SIK2: variants seen among roughly 807,000 people sequenced by gnomAD.
SIK2 encodes the protein salt inducible kinase 2.
A neutral mutation model predicts 103.2 loss-of-function variants in SIK2; 29 were observed. The observed-to-expected ratio is 0.28, with a 90% confidence interval of 0.21 to 0.38. The LOEUF (loss-of-function observed/expected upper bound fraction) is 0.38. SIK2 is among the 10% of genes least tolerant of loss of function. The pLI is 1.00. For missense variants in SIK2, 879 were observed against 1,171.0 expected (o/e 0.75, Z 3.64); for synonymous variants, 412 against 446.1 (o/e 0.92, Z 0.96).
intron 3 of SIK2, chr11:111,671,489 A>G: frequency 3.6e-6 from 1 of 278,138 alleles, no homozygotes; most frequent in Non-Finnish European, 7.0e-6. Flanking sequence ...GTGCAATGCA[A>G]GTCATCTCAG....
intron 4 of SIK2, among the ~76,000 whole-genome samples, chr11:111,690,608 C>CGAG (rs1246735872): frequency 6.6e-6 from 1 of 151,460 alleles, no homozygotes; most frequent in Non-Finnish European, 1.5e-5. Context: ...TCTCCCTCCC[C>CGAG]GCCTCCCCTC....
chr11:111,716,230 CT>C (rs1943638361), intron 9 of SIK2, among the ~76,000 whole-genome samples: 1 of 152,162 alleles, frequency 6.6e-6, no homozygotes, highest in Non-Finnish European at 1.5e-5. Flanking sequence ...TGTTTCGTGT[CT>C]ACTTACATTT....
At chr11:111,706,122 G>A (rs1198552597) in intron 8 of SIK2, among the ~76,000 whole-genome samples, 1 of 152,176 alleles carries the variant, frequency 6.6e-6, no homozygotes, top group Non-Finnish European at 1.5e-5. Context: ...TTTCCCAAGT[G>A]TGTAATGGGG....
At chr11:111,627,734 A>G (rs972564695) in intron 3 of SIK2, among the ~76,000 whole-genome samples, 2 of 152,222 alleles carry the variant, frequency 1.3e-5, no homozygotes, top group Non-Finnish European at 2.9e-5. Context: ...ATTTAACTTT[A>G]CAAGTATTCC....
chr11:111,697,887 A>G (rs1188745869), intron 4 of SIK2, among the ~76,000 whole-genome samples: 3 of 152,080 alleles, frequency 2.0e-5, no homozygotes, highest in South Asian at 2.1e-4. Flanking sequence ...GCGTGAGTCT[A>G]TGGTCCCAGC....
intron 3 of SIK2, among the ~76,000 whole-genome samples, chr11:111,656,009 C>G (rs191998876): frequency 3.8e-4 from 48 of 125,230 alleles, no homozygotes; most frequent in African/African-American, 1.5e-3. Context: ...ACAACCCTGT[C>G]TATACTAAAA....
At chr11:111,715,406 TTGA>T (rs1210786463) in intron 9 of SIK2, among the ~76,000 whole-genome samples, 1 of 152,234 alleles carries the variant, frequency 6.6e-6, no homozygotes, top group Non-Finnish European at 1.5e-5. Context: ...TGTTTTCTGA[TTGA>T]TGCTTCATTG....
At position 111,705,078 on chromosome 11, in the gene SIK2, A is replaced by G; in HGVS notation, c.1040A>G (p.Glu347Gly). 6.2e-7 allele frequency: 1 copy of G among 1,607,188 alleles called. No homozygotes were observed. Among genetic ancestry groups the G allele is most frequent in the Non-Finnish European group, 8.5e-7 (1 of 1,178,034 alleles). The change falls in exon 8 of 15, where the codon GAG (glutamate) becomes GGG (glycine). Residue 347 changes from glutamate to glycine, a missense_variant. Physicochemically the swap from Glu to Gly is moderately conservative, Grantham distance 98. This residue lies in a region of SIK2 where 99 missense variants were observed against 153.9 expected (regional missense o/e 0.64). Transcript: ENST00000304987. This position sits in a 1 kb window ranked among gnomAD's most constrained non-coding sequence, Gnocchi z 4.3. Reference protein sequence around the residue: ...LKSHRSSFPVEQRLDGRQRRP... With the variant: ...LKSHRSSFPVGQRLDGRQRRP... ...TCACATCGGAGCAGTTTCCCAGTGG[A>G]GCAGAGACTTGATGGCCGCCAGCGT... is the stretch of plus-strand genomic sequence containing the variant.
At chr11:111,712,652 A>G (rs1943533227) in intron 9 of SIK2, among the ~76,000 whole-genome samples, 1 of 152,072 alleles carries the variant, frequency 6.6e-6, no homozygotes, top group Non-Finnish European at 1.5e-5. Context: ...TTCTCTCTTC[A>G]AGTTTCCAGA....
chr11:111,652,672 G>C (rs1315300984), intron 3 of SIK2, among the ~76,000 whole-genome samples: 1 of 152,048 alleles, frequency 6.6e-6, no homozygotes, highest in Non-Finnish European at 1.5e-5. Context: ...ACAATAACTT[G>C]ACTAAAACTT....
chr11:111,616,107 A>T (rs1941802122), intron 1 of SIK2, 136 bp from the exon 2 acceptor site: 2 of 604,850 alleles, frequency 3.3e-6, no homozygotes, highest in African/African-American at 1.9e-5. Context: ...TGAATGAATG[A>T]ACATTGAATT....
Position 111,652,871 on chromosome 11 carries a change from C to T in SIK2, c.316+32469C>T, listed in dbSNP as rs572677186. Among the ~76,000 whole-genome samples, 3 of 152,262 alleles carry T rather than the reference C, an allele frequency of 2.0e-5. No individual in the cohort carries two copies. The South Asian group carries it at 6.2e-4, about 32-fold the overall frequency. On this transcript the variant is annotated intron_variant, in intron 3 of 14. Transcript: ENST00000304987. ...TTAGAAGAAGTAGTCTTGATTAAAT[C>T]AGAGGCAGGTGAGTCTTGGTTTTAA...
chr11:111,658,095 TTTATTTA>T (rs1942417692), intron 3 of SIK2, among the ~76,000 whole-genome samples: 159 of 5,016 alleles, frequency 0.032, no homozygotes, highest in African/African-American at 0.11. Flanking sequence ...TTTTATTTTA[TTTATTTA>T]TTTATTTATT....
intron 1 of SIK2, among the ~76,000 whole-genome samples, chr11:111,603,201 C>T (rs1181618418): frequency 6.6e-6 from 1 of 152,182 alleles, no homozygotes. Flanking sequence ...CCCGGCGCCC[C>T]TCCCCTGCCC....
chr11:111,706,599 A>G (rs144332413), intron 8 of SIK2, among the ~76,000 whole-genome samples: 142 of 152,362 alleles, frequency 9.3e-4, no homozygotes, highest in African/African-American at 3.2e-3. Flanking sequence ...ATGTTTTAAA[A>G]AAGGGAATTA....
At position 111,688,090 on chromosome 11, in the gene SIK2, C is replaced by G. The variant is rs748800049; in HGVS notation, c.406C>G (p.Arg136Gly). The change falls in exon 4 of 15, where the codon CGG becomes GGG. Residue 136 changes from arginine to glycine, a missense_variant. Arg to Gly is a moderately radical substitution (Grantham distance 125). This residue lies in a region of SIK2 where 126 missense variants were observed against 245.5 expected (regional missense o/e 0.51). Transcript: ENST00000304987. The surrounding 1 kb of genome is among the most constrained non-coding windows in gnomAD (Gnocchi z 4.2). ...GTCTGCTGTTGATTATTGTCATGGT[C>G]GGAAGATTGTGCACCGTGACCTCAA... Reference protein sequence around the residue: ...ILSAVDYCHGRKIVHRDLKAE... With the variant: ...ILSAVDYCHGGKIVHRDLKAE... 1.9e-6 allele frequency: 3 copies of G among 1,614,072 alleles called. No homozygotes were observed. The highest frequency in any genetic ancestry group is 2.5e-6 in the Non-Finnish European group (3 of 1,180,024).
intron 1 of SIK2, among the ~76,000 whole-genome samples, chr11:111,613,983 A>G (rs1276545003): frequency 6.6e-6 from 1 of 152,044 alleles, no homozygotes; most frequent in Non-Finnish European, 1.5e-5. Flanking sequence ...GCCATAAAGA[A>G]AGAAGAAAAA....
chr11:111,684,417 A>G (rs562162615), intron 3 of SIK2, among the ~76,000 whole-genome samples: 15 of 151,720 alleles, frequency 9.9e-5, no homozygotes, highest in East Asian at 9.7e-4. Flanking sequence ...ACTAACCTCC[A>G]TTGACTCAGC....
At chr11:111,668,112 T>TA in intron 3 of SIK2, among the ~76,000 whole-genome samples, 1 of 152,086 alleles carries the variant, frequency 6.6e-6, no homozygotes, top group Admixed American at 6.6e-5. Context: ...AGGGTGGAGA[T>TA]ATTCAGAGGG....
Sources: gnomAD v4.1 joint callset for allele counts (sites outside exome capture counted in the v4.1 genomes callset) on GRCh38, gnomAD v4.1.1 for gene constraint, gnomAD v4.1.1 regional missense constraint, Gnocchi (gnomAD v3.1) non-coding constraint, MANE v1.5 for transcripts, NCBI Gene and HGNC (gene_info 2026-07-23, HGNC 2026-07-21) for gene names.